The following KRTAP5-8 variants were observed in gnomAD, a reference collection of about 807,000 sequenced individuals.
KRTAP5-8 encodes the protein keratin associated protein 5-8, also known as keratin-associated protein 5-8.
In KRTAP5-8, 2 loss-of-function variants were observed where a neutral mutation model predicts 2.7. The ratio of observed to expected loss-of-function variants is 0.75; its 90% CI spans 0.30 to 2.35. KRTAP5-8 has a LOEUF of 2.35. Among genes scored for constraint, KRTAP5-8 ranks in the 30% most tolerant of loss-of-function variants. KRTAP5-8 has a pLI of 0.12. For missense variants in KRTAP5-8, 183 were observed against 227.2 expected, an observed-to-expected ratio of 0.81 and a Z score of 1.25; for synonymous variants, 62 against 89.1, an observed-to-expected ratio of 0.70 and a Z score of 1.71.
At position 71,538,868 on chromosome 11, in the gene KRTAP5-8, T is replaced by C; in HGVS notation, c.*249T>C. ...TCCTGACCTCATCACTTCAACCTTC[T>C]CAGGGCTTCAAGATCCCACATCCCT... On this transcript the variant is annotated 3_prime_UTR_variant, in exon 1 of 1. Transcript: ENST00000398534. 1 of 747,136 alleles carries C rather than the reference T, an allele frequency of 1.3e-6. No homozygotes were observed. Among genetic ancestry groups the C allele is most frequent in the Non-Finnish European group, 2.2e-6 (1 of 459,834 alleles). The allele number at this position is 747,136 out of a possible 1,614,324, so 46.3% of individuals were successfully genotyped here. A position where few individuals can be genotyped will look rare whatever the true frequency, so the allele number is the denominator to read the frequency against.
In KRTAP5-8 at chr11:71,538,726, G is replaced by C; in HGVS notation, c.*107G>C. On this transcript the variant is annotated 3_prime_UTR_variant, in exon 1 of 1. Coordinates refer to ENST00000398534, the MANE Select transcript of KRTAP5-8 (RefSeq NM_021046.3). ...CACATCTCTGAGTCTGTCCTCCTCT[G>C]GACTAAGGCAGCCTAGCGTCCAGGG... 2 of 1,595,686 alleles carry C rather than the reference G, an allele frequency of 1.3e-6. No individual in the cohort carries two copies. The highest frequency in any genetic ancestry group is 1.7e-6 in the Non-Finnish European group (2 of 1,169,984).
chr11:71,538,856 A>C lies in KRTAP5-8; in HGVS notation c.*237A>C, dbSNP rs1234328268. 2.4e-5 allele frequency: 19 copies of C among 799,212 alleles called. No individual in the cohort carries two copies. The highest frequency in any genetic ancestry group is 3.4e-5 in the Non-Finnish European group (17 of 505,782). The allele number at this position is 799,212 out of a possible 1,614,324, so 49.5% of individuals were successfully genotyped here. A position where few individuals can be genotyped will look rare whatever the true frequency, so the allele number is the denominator to read the frequency against. On this transcript the variant is annotated 3_prime_UTR_variant, in exon 1 of 1. Coordinates refer to ENST00000398534, the MANE Select transcript of KRTAP5-8 (RefSeq NM_021046.3). ...CCCCTCTTCCTTTCCTGACCTCATCACTTCAACCTTCTCAGGGCTTCAAGA... is the reference window on the plus strand; with the variant it reads ...CCCCTCTTCCTTTCCTGACCTCATCCCTTCAACCTTCTCAGGGCTTCAAGA...
chr11:71,538,840 C>G lies in KRTAP5-8; in HGVS notation c.*221C>G. 1.1e-6 allele frequency: 1 copy of G among 888,018 alleles called. No individual in the cohort carries two copies. Among genetic ancestry groups the G allele is most frequent in the East Asian group, 2.7e-5 (1 of 37,672 alleles). The allele number at this position is 888,018 out of a possible 1,614,324, so 55.0% of individuals were successfully genotyped here. A position where few individuals can be genotyped will look rare whatever the true frequency, so the allele number is the denominator to read the frequency against. On this transcript the variant is annotated 3_prime_UTR_variant, in exon 1 of 1. Transcript: ENST00000398534. ...TCAACCCTCCCAGAATCCCCTCTTCCTTTCCTGACCTCATCACTTCAACCT... is the reference window on the plus strand; with the variant it reads ...TCAACCCTCCCAGAATCCCCTCTTCGTTTCCTGACCTCATCACTTCAACCT...
chr11:71,539,024 C>T lies in KRTAP5-8; in HGVS notation c.*405C>T. On this transcript the variant is annotated 3_prime_UTR_variant, in exon 1 of 1. Coordinates refer to ENST00000398534, the MANE Select transcript of KRTAP5-8 (RefSeq NM_021046.3). ...CTTCATCCTGCCTGAGCTGCCACAG[C>T]TCCGATTGTTTTTGGAGTTGACCTA... 2.9e-6 allele frequency: 1 copy of T among 344,228 alleles called. No individual in the cohort carries two copies. Among genetic ancestry groups the T allele is most frequent in the Non-Finnish European group, 5.7e-6 (1 of 176,358 alleles). The allele number at this position is 344,228 out of a possible 1,614,324, so 21.3% of individuals were successfully genotyped here. A position where few individuals can be genotyped will look rare whatever the true frequency, so the allele number is the denominator to read the frequency against.
In KRTAP5-8 at chr11:71,538,137, T is replaced by C. The variant is rs55921335; in HGVS notation, c.82T>C (p.Cys28Arg). The C allele has an allele frequency of 0.31, 494,681 of 1,610,750 alleles. 78,715 individuals carry two copies. The highest frequency in any genetic ancestry group is 0.49 in the East Asian group (22,018 of 44,674). The change falls in exon 1 of 1, where the codon TGC becomes CGC. Residue 28 changes from cysteine (C) to arginine (R), a missense_variant. Physicochemically the swap from Cys to Arg is radical, Grantham distance 180. Transcript: ENST00000398534. ...GSGCGGCGSS[C>R]CVPICCCKPV... ...TGGCTGTGGGGGATGTGGCTCTAGC[T>C]GCTGTGTGCCCATCTGCTGCTGCAA...
chr11:71,538,663 T>C lies in KRTAP5-8; in HGVS notation c.*44T>C, dbSNP rs1346373336. ...CAGCTGGTCCCACAGATCTGGGCTCTCCAGGAATGACTGTAGCTGTGTCCT... is the reference window on the plus strand; with the variant it reads ...CAGCTGGTCCCACAGATCTGGGCTCCCCAGGAATGACTGTAGCTGTGTCCT... On this transcript the variant is annotated 3_prime_UTR_variant, in exon 1 of 1. Transcript: ENST00000398534. 3.1e-6 allele frequency: 5 copies of C among 1,613,930 alleles called. No individual in the cohort carries two copies. Among genetic ancestry groups the C allele is most frequent in the Non-Finnish European group, 4.2e-6 (5 of 1,179,910 alleles).
In KRTAP5-8 at chr11:71,538,264, G is replaced by C. The variant is rs1950058312; in HGVS notation, c.209G>C (p.Cys70Ser). 6.2e-7 allele frequency: 1 copy of C among 1,613,478 alleles called. No individual in the cohort carries two copies. The highest frequency in any genetic ancestry group is 8.5e-7 in the Non-Finnish European group (1 of 1,179,996). Residue 70 changes from cysteine to serine, a missense_variant, in exon 1 of 1, where the codon TGT (cysteine) becomes TCT (serine). By Grantham distance (112) the Cys-to-Ser change is moderately radical. Around this residue, in one of 2 missense-constraint regions of KRTAP5-8, gnomAD observed 113 missense variants for 109.3 expected, o/e 1.03. Transcript: ENST00000398534. ...RGSCGGSKGD[C>S]GSCGGSKGGC... is the part of the protein sequence containing the mutation. ...TCCTGTGGGGGCTCCAAGGGGGACT[G>C]TGGCTCCTGTGGGGGCTCCAAGGGA...
In KRTAP5-8 at chr11:71,538,276, G is replaced by A. The variant is rs548540927; in HGVS notation, c.221G>A (p.Gly74Glu). 9.9e-6 allele frequency: 16 copies of A among 1,613,630 alleles called. No individual in the cohort carries two copies. The highest frequency in any genetic ancestry group is 8.8e-5 in the South Asian group (8 of 91,048). Residue 74 changes from glycine to glutamate, a missense_variant, in exon 1 of 1, where the codon GGG becomes GAG. This residue lies in a region of KRTAP5-8 where 113 missense variants were observed against 109.3 expected (regional missense o/e 1.03). Transcript: ENST00000398534. ...TCCAAGGGGGACTGTGGCTCCTGTGGGGGCTCCAAGGGAGGCTGTGGTTCT... is the reference window on the plus strand; with the variant it reads ...TCCAAGGGGGACTGTGGCTCCTGTGAGGGCTCCAAGGGAGGCTGTGGTTCT... ...GGSKGDCGSC[G>E]GSKGGCGSCG... is the part of the protein sequence containing the mutation.
rs541819431 is a variant in KRTAP5-8, at chr11:71,538,232, C to A, written c.177C>A (p.Gly59=). ...SCGSCGGSKG[G]RGSCGGSKGD... ...GCTCCTGTGGGGGCTCCAAGGGGGG[C>A]CGTGGCTCCTGTGGGGGCTCCAAGG... Residue 59 remains glycine (G), a synonymous_variant, in exon 1 of 1, where the codon GGC becomes GGA. Coordinates refer to ENST00000398534, the MANE Select transcript of KRTAP5-8 (RefSeq NM_021046.3). 2.5e-6 allele frequency: 4 copies of A among 1,613,032 alleles called. No individual in the cohort carries two copies. In the South Asian group the frequency reaches 3.3e-5, roughly 13 times the overall value.
chr11:71,538,120 G>A lies in KRTAP5-8; in HGVS notation c.65G>A (p.Gly22Glu), dbSNP rs1280670496. 6.2e-7 allele frequency: 1 copy of A among 1,611,618 alleles called. No individual in the cohort carries two copies. The highest frequency in any genetic ancestry group is 2.2e-5 in the East Asian group (1 of 44,784). ...SGCGGCGSGC[G>E]GCGSSCCVPI... ...TGTGGGGGCTGCGGCTCTGGCTGTG[G>A]GGGATGTGGCTCTAGCTGCTGTGTG... is the stretch of plus-strand genomic sequence containing the variant. The change falls in exon 1 of 1, where the codon GGG becomes GAG. Residue 22 changes from glycine to glutamate, a missense_variant. Physicochemically the swap from Gly to Glu is moderately conservative, Grantham distance 98. Around this residue, in one of 2 missense-constraint regions of KRTAP5-8, gnomAD observed 113 missense variants for 109.3 expected, o/e 1.03. Transcript: ENST00000398534.
Position 71,538,801 on chromosome 11 carries a change from C to T in KRTAP5-8, c.*182C>T. On this transcript the variant is annotated 3_prime_UTR_variant, in exon 1 of 1. Transcript: ENST00000398534. The stretch of plus-strand genomic sequence containing the variant: ...TGAGGTCATGAGGGCTTCTGGCATG[C>T]TGGGTGCTGCCCATCAACCCTCCCA... The T allele has an allele frequency of 7.9e-7, 1 of 1,270,848 alleles. No homozygotes were observed. The highest frequency in any genetic ancestry group is 1.1e-6 in the Non-Finnish European group (1 of 914,964). The allele number at this position is 1,270,848 out of a possible 1,614,324, so 78.7% of individuals were successfully genotyped here.
chr11:71,538,365 T>G lies in KRTAP5-8; in HGVS notation c.310T>G (p.Cys104Gly). ...CCCSSGCGSS[C>G]CQSSCCKPCC... Reference sequence around the variant, plus strand: ...TTGCTCCTCAGGCTGTGGGTCATCCTGCTGCCAGTCCAGCTGCTGCAAACC... The same window carrying G: ...TTGCTCCTCAGGCTGTGGGTCATCCGGCTGCCAGTCCAGCTGCTGCAAACC... The change falls in exon 1 of 1, where the codon TGC becomes GGC. Residue 104 changes from cysteine (C) to glycine (G), a missense_variant. Transcript: ENST00000398534. 1 of 1,602,502 alleles carries G rather than the reference T, an allele frequency of 6.2e-7. No homozygotes were observed. Among genetic ancestry groups the G allele is most frequent in the South Asian group, 1.1e-5 (1 of 90,254 alleles).
At position 71,538,496 on chromosome 11, in the gene KRTAP5-8, C is replaced by T. The variant is rs760565042; in HGVS notation, c.441C>T (p.Ser147=). The change falls in exon 1 of 1, where the codon AGC becomes AGT. Residue 147 remains serine (S), a synonymous_variant. Transcript: ENST00000398534. ...SCCKPCCSQS[S]CCKPCCCSSG... is the part of the protein sequence containing the mutation. ...GCAAGCCCTGCTGTTCCCAGTCCAGCTGCTGTAAGCCCTGCTGCTGCTCTT... is the reference window on the plus strand; with the variant it reads ...GCAAGCCCTGCTGTTCCCAGTCCAGTTGCTGTAAGCCCTGCTGCTGCTCTT... 6.8e-6 allele frequency: 11 copies of T among 1,612,742 alleles called. No homozygotes were observed. The highest frequency in any genetic ancestry group is 9.3e-6 in the Non-Finnish European group (11 of 1,179,648).
chr11:71,538,288 G>A lies in KRTAP5-8; in HGVS notation c.233G>A (p.Gly78Glu), dbSNP rs567085723. The A allele has an allele frequency of 5.9e-4, 953 of 1,613,934 alleles. 9 individuals are homozygous for A. In the South Asian group the frequency reaches 0.01, roughly 17 times the overall value. Reference sequence around the variant, plus strand: ...TGTGGCTCCTGTGGGGGCTCCAAGGGAGGCTGTGGTTCTTGTGGCTGCTCC... The same window carrying A: ...TGTGGCTCCTGTGGGGGCTCCAAGGAAGGCTGTGGTTCTTGTGGCTGCTCC... ...GDCGSCGGSK[G>E]GCGSCGCSQC... Residue 78 changes from glycine to glutamate, a missense_variant, in exon 1 of 1, where the codon GGA becomes GAA. Physicochemically the swap from Gly to Glu is moderately conservative, Grantham distance 98. Transcript: ENST00000398534.
rs765981099 is a variant in KRTAP5-8 at position 71,538,108 on chromosome 11, G to A, written c.53G>A (p.Gly18Asp). 38 of 1,611,378 alleles carry A rather than the reference G, an allele frequency of 2.4e-5. No individual in the cohort carries two copies. In the Admixed American group the frequency reaches 6.4e-4, roughly 27 times the overall value. The change falls in exon 1 of 1, where the codon GGC becomes GAC. Residue 18 changes from glycine to aspartate, a missense_variant. Physicochemically the swap from Gly to Asp is moderately conservative, Grantham distance 94. Transcript: ENST00000398534. ...TGTGGCTCCGGCTGTGGGGGCTGCG[G>A]CTCTGGCTGTGGGGGATGTGGCTCT... is the stretch of plus-strand genomic sequence containing the variant. ...GGCGSGCGGC[G>D]SGCGGCGSSC...
chr11:71,538,357 G>A lies in KRTAP5-8; in HGVS notation c.302G>A (p.Gly101Glu). 1 of 1,602,502 alleles carries A rather than the reference G, an allele frequency of 6.2e-7. No individual in the cohort carries two copies. Among genetic ancestry groups the A allele is most frequent in the African/African-American group, 1.3e-5 (1 of 74,450 alleles). The stretch of plus-strand genomic sequence containing the variant: ...CCCTGCTGTTGCTCCTCAGGCTGTG[G>A]GTCATCCTGCTGCCAGTCCAGCTGC... ...YKPCCCSSGC[G>E]SSCCQSSCCK... Residue 101 changes from glycine (G) to glutamate (E), a missense_variant, in exon 1 of 1, where the codon GGG (glycine) becomes GAG (glutamate). Physicochemically the swap from Gly to Glu is moderately conservative, Grantham distance 98. Around this residue, in one of 2 missense-constraint regions of KRTAP5-8, gnomAD observed 70 missense variants for 117.9 expected, o/e 0.59. Transcript: ENST00000398534.
Position 71,538,854 on chromosome 11 carries a change from T to A in KRTAP5-8, c.*235T>A. On this transcript the variant is annotated 3_prime_UTR_variant, in exon 1 of 1. Transcript: ENST00000398534. ...ATCCCCTCTTCCTTTCCTGACCTCA[T>A]CACTTCAACCTTCTCAGGGCTTCAA... The A allele has an allele frequency of 1.2e-6, 1 of 819,702 alleles. No individual in the cohort carries two copies. The highest frequency in any genetic ancestry group is 1.9e-6 in the Non-Finnish European group (1 of 523,308). 50.8% of individuals were successfully genotyped at this position (819,702 alleles called of 1,614,324 possible).
Position 71,538,141 on chromosome 11 carries a change from G to C in KRTAP5-8, c.86G>C (p.Cys29Ser). Residue 29 changes from cysteine (C) to serine (S), a missense_variant, in exon 1 of 1, where the codon TGT (cysteine) becomes TCT (serine). Cys to Ser is a moderately radical substitution (Grantham distance 112, BLOSUM62 -1). Around this residue, in one of 2 missense-constraint regions of KRTAP5-8, gnomAD observed 113 missense variants for 109.3 expected, o/e 1.03. Transcript: ENST00000398534. ...SGCGGCGSSC[C>S]VPICCCKPVC... ...TGTGGGGGATGTGGCTCTAGCTGCT[G>C]TGTGCCCATCTGCTGCTGCAAGCCC... The C allele has an allele frequency of 1.9e-6, 3 of 1,612,124 alleles. No individual in the cohort carries two copies. The South Asian group carries it at 3.3e-5, about 18-fold the overall frequency.
rs552851193 is a variant in KRTAP5-8, at chr11:71,538,867, C to G, written c.*248C>G. 3 of 752,216 alleles carry G rather than the reference C, an allele frequency of 4.0e-6. No individual in the cohort carries two copies. In the East Asian group the frequency reaches 8.2e-5, roughly 21 times the overall value. The allele number at this position is 752,216 out of a possible 1,614,324, so 46.6% of individuals were successfully genotyped here. Reference sequence around the variant, plus strand: ...TTCCTGACCTCATCACTTCAACCTTCTCAGGGCTTCAAGATCCCACATCCC... The same window carrying G: ...TTCCTGACCTCATCACTTCAACCTTGTCAGGGCTTCAAGATCCCACATCCC... On this transcript the variant is annotated 3_prime_UTR_variant, in exon 1 of 1. Transcript: ENST00000398534.
Sources: gnomAD v4.1 joint callset for allele counts on GRCh38, gnomAD v4.1.1 for gene constraint, gnomAD v4.1.1 regional missense constraint, MANE v1.5 for transcripts, NCBI Gene and HGNC (gene_info 2026-07-23, HGNC 2026-07-21) for gene names.